PTPRD: variants seen among roughly 807,000 people sequenced by gnomAD.
PTPRD encodes the protein receptor-type tyrosine-protein phosphatase delta.
A neutral mutation model predicts 214.5 loss-of-function variants in PTPRD; 34 were observed. That is an observed-to-expected ratio of 0.16 (90% CI 0.12 to 0.21). The LOEUF is 0.21. PTPRD is among the 10% of genes least tolerant of loss of function. The pLI is 1.00. For missense variants in PTPRD, 2,545 were observed against 2,398.7 expected (o/e 1.06, Z -1.27); for synonymous variants, 1,128 against 845.7 (o/e 1.33, Z -5.79).
chr9:9,557,602 C>T (rs2081861485), intron 8 of PTPRD, among the ~76,000 whole-genome samples: 1 of 152,088 alleles, frequency 6.6e-6, no homozygotes, highest in Non-Finnish European at 1.5e-5. Context: ...AGACTAATAC[C>T]ATCCATTCTT....
intron 7 of PTPRD, among the ~76,000 whole-genome samples, chr9:9,706,583 T>A (rs7859936): frequency 3.5e-4 from 53 of 151,874 alleles, no homozygotes; most frequent in African/African-American, 1.2e-3. Context: ...GGGACTACAG[T>A]TGTGTGCCAC....
chr9:8,776,385 A>C (rs7042505), intron 11 of PTPRD, among the ~76,000 whole-genome samples: 108,289 of 152,060 alleles, frequency 0.71, 38,588 homozygotes, highest in Middle Eastern at 0.82. Flanking sequence ...TCACTGCAGT[A>C]TTGATCTTCC....
At chr9:8,731,792 T>C (rs1165537984) in intron 12 of PTPRD, among the ~76,000 whole-genome samples, 3 of 152,214 alleles carry the variant, frequency 2.0e-5, no homozygotes, top group South Asian at 2.1e-4. Flanking sequence ...AGAATACACA[T>C]GCTATTCAAG....
chr9:9,807,966 G>A (rs556750866), intron 5 of PTPRD, among the ~76,000 whole-genome samples: 4 of 152,118 alleles, frequency 2.6e-5, no homozygotes, highest in Non-Finnish European at 5.9e-5. Flanking sequence ...CTACCTCAAA[G>A]AATGTTTATG....
At chr9:9,920,596 C>A (rs948545495) in intron 5 of PTPRD, among the ~76,000 whole-genome samples, 9 of 152,118 alleles carry the variant, frequency 5.9e-5, no homozygotes, top group Non-Finnish European at 1.2e-4. Flanking sequence ...TCCTCTTTAT[C>A]ATTCACTTCA....
At chr9:9,930,906 C>T (rs933239051) in intron 5 of PTPRD, among the ~76,000 whole-genome samples, 5 of 151,860 alleles carry the variant, frequency 3.3e-5, no homozygotes, top group East Asian at 1.9e-4. Flanking sequence ...AAGGACTTTA[C>T]GCATTTACTA....
intron 5 of PTPRD, among the ~76,000 whole-genome samples, chr9:9,783,825 T>G (rs1268888855): frequency 1.3e-5 from 2 of 151,802 alleles, no homozygotes; most frequent in Non-Finnish European, 2.9e-5. Flanking sequence ...CTTCGTTTTT[T>G]TTTTTTTTTT....
At chr9:9,339,913 T>C (rs1302218809) in intron 9 of PTPRD, among the ~76,000 whole-genome samples, 1 of 152,174 alleles carries the variant, frequency 6.6e-6, no homozygotes, top group Non-Finnish European at 1.5e-5. Context: ...ATCATAAATA[T>C]GAAGACTCTT....
At chr9:9,138,082 T>A (rs1435492821) in intron 10 of PTPRD, among the ~76,000 whole-genome samples, 1 of 152,146 alleles carries the variant, frequency 6.6e-6, no homozygotes, top group East Asian at 1.9e-4. Flanking sequence ...GCTCAAGACA[T>A]TTCTCCTATG....
intron 11 of PTPRD, among the ~76,000 whole-genome samples, chr9:8,870,081 T>C (rs1023831930): frequency 3.3e-5 from 5 of 151,128 alleles, no homozygotes; most frequent in African/African-American, 7.3e-5. Flanking sequence ...AGGGAGAGAA[T>C]TGGTCATGAG....
At chr9:8,397,955 T>C (rs184143661) in intron 36 of PTPRD, among the ~76,000 whole-genome samples, 3 of 152,288 alleles carry the variant, frequency 2.0e-5, no homozygotes, top group African/African-American at 7.2e-5. Context: ...GAATAGATTC[T>C]TGCCCCTGTT....
At chr9:9,446,417 C>G (rs1272719228) in intron 8 of PTPRD, among the ~76,000 whole-genome samples, 6 of 152,140 alleles carry the variant, frequency 3.9e-5, no homozygotes, top group African/African-American at 9.7e-5. Context: ...TGTAAGAATG[C>G]TGACTAAGCT....
intron 35 of PTPRD, among the ~76,000 whole-genome samples, chr9:8,419,659 G>A (rs115130952): frequency 0.012 from 1,839 of 151,264 alleles, 52 homozygotes; most frequent in African/African-American, 0.042. Flanking sequence ...TCTTTCTCGG[G>A]GGGGCATATA....
chr9:8,610,184 GCT>G (rs1352307559), intron 14 of PTPRD, among the ~76,000 whole-genome samples: 2 of 152,130 alleles, frequency 1.3e-5, no homozygotes. Context: ...TGCAAACACT[GCT>G]CTTTCTGAAC....
chr9:8,583,920 G>C (rs2093410342), intron 14 of PTPRD, among the ~76,000 whole-genome samples: 1 of 152,210 alleles, frequency 6.6e-6, no homozygotes, highest in South Asian at 2.1e-4. Flanking sequence ...GGGAAGCCAA[G>C]GCGGGCAGAT....
At chr9:9,780,503 A>T (rs995911453) in intron 5 of PTPRD, among the ~76,000 whole-genome samples, 22 of 152,374 alleles carry the variant, frequency 1.4e-4, no homozygotes, top group Middle Eastern at 6.8e-3. Context: ...ATATGAAAAG[A>T]TGCTGATCAT....
At chr9:10,173,147 C>T (rs1264141146) in intron 3 of PTPRD, among the ~76,000 whole-genome samples, 2 of 152,176 alleles carry the variant, frequency 1.3e-5, no homozygotes, top group South Asian at 2.1e-4. Flanking sequence ...CATATATCAA[C>T]ATTTTATTGT....
chr9:9,504,121 GTCTC>G (rs968210990), intron 8 of PTPRD, among the ~76,000 whole-genome samples: 1 of 151,562 alleles, frequency 6.6e-6, no homozygotes, highest in African/African-American at 2.4e-5. Flanking sequence ...CCTTTACAGA[GTCTC>G]TCTCTATTAT....
At chr9:10,077,987 T>C (rs989956695) in intron 3 of PTPRD, among the ~76,000 whole-genome samples, 2 of 152,114 alleles carry the variant, frequency 1.3e-5, no homozygotes, top group Non-Finnish European at 2.9e-5. Context: ...TCCTCTACAC[T>C]TTAAAAATAG....
Sources: allele counts gnomAD v4.1 joint callset (sites outside exome capture counted in the v4.1 genomes callset), GRCh38; gene constraint gnomAD v4.1.1; transcripts MANE v1.5; gene names NCBI Gene and HGNC (gene_info 2026-07-23, HGNC 2026-07-21).